The following PKD1L1 variants were observed in gnomAD, a reference collection of about 807,000 sequenced individuals.
The protein encoded by PKD1L1 is polycystin-1-like protein 1.
PKD1L1 carries 236 observed loss-of-function variants against 323.4 expected under a neutral mutation model. The observed-to-expected ratio is 0.73, with a 90% CI of 0.66 to 0.81. The LOEUF (loss-of-function observed/expected upper bound fraction) is 0.81. Ranked by LOEUF, PKD1L1 falls within the 40% of genes least tolerant of loss-of-function variation. PKD1L1 has a pLI of 0.00. For synonymous variants in PKD1L1, 1,344 were observed against 1,335.0 expected (o/e 1.01, Z -0.15); for missense variants, 3,320 against 3,508.0 (o/e 0.95, Z 1.35).
chr7:47,934,861 A>C (rs1389675851), intron 4 of PKD1L1, among the ~76,000 whole-genome samples: 3 of 152,164 alleles, frequency 2.0e-5, no homozygotes, highest in African/African-American at 7.2e-5. Context: ...CTAGGAAGGA[A>C]GACCCTTTCC....
intron 15 of PKD1L1, among the ~76,000 whole-genome samples, chr7:47,893,149 G>C (rs145893855): frequency 4.8e-4 from 69 of 144,714 alleles, no homozygotes; most frequent in African/African-American, 1.5e-3. Context: ...AGAATTGCTT[G>C]AATCCGGGAG....
At chr7:47,850,858 G>C (rs1387275313) in intron 31 of PKD1L1, among the ~76,000 whole-genome samples, 1 of 152,126 alleles carries the variant, frequency 6.6e-6, no homozygotes, top group Non-Finnish European at 1.5e-5. Flanking sequence ...TGGTAGGTTT[G>C]TGATTGTTAG....
At chr7:47,796,377 T>C (rs1488815506) in intron 54 of PKD1L1, among the ~76,000 whole-genome samples, 1 of 152,220 alleles carries the variant, frequency 6.6e-6, no homozygotes, top group East Asian at 1.9e-4. Context: ...TTCATTGTAT[T>C]ATAAAGGTTG....
At chr7:47,783,612 A>T (rs956440052) in intron 56 of PKD1L1, among the ~76,000 whole-genome samples, 3 of 152,188 alleles carry the variant, frequency 2.0e-5, no homozygotes, top group Non-Finnish European at 4.4e-5. Context: ...TGTTATAAAA[A>T]GAGAAAATTT....
intron 52 of PKD1L1, 116 bp downstream of exon 52, chr7:47,808,131 C>T (rs1784818877): frequency 7.6e-7 from 1 of 1,319,086 alleles, no homozygotes; most frequent in Non-Finnish European, 1.0e-6. Context: ...AGCATCATCT[C>T]TCGATATCAA....
intron 56 of PKD1L1, among the ~76,000 whole-genome samples, chr7:47,784,245 T>C (rs943338775): frequency 6.6e-6 from 1 of 152,194 alleles, no homozygotes; most frequent in Non-Finnish European, 1.5e-5. Context: ...CTTCAACATT[T>C]CTCTTTAGGT....
At chr7:47,922,052 G>C (rs948145600) in intron 7 of PKD1L1, among the ~76,000 whole-genome samples, 14 of 152,296 alleles carry the variant, frequency 9.2e-5, no homozygotes, top group Admixed American at 6.5e-4. Context: ...GCCTGGGATT[G>C]CAGGCACGTG....
At chr7:47,953,057 G>T (rs757746645), upstream of PKD1L1, among the ~76,000 whole-genome samples, 19 of 152,124 alleles carry the variant, frequency 1.2e-4, no homozygotes, top group Non-Finnish European at 2.6e-4. Flanking sequence ...AAAGTCACAT[G>T]CAGCAATTCC....
chr7:47,835,028 C>T lies in PKD1L1; in HGVS notation c.6066G>A (p.Gly2022=), dbSNP rs777639245. 1 of 1,613,878 alleles carries T rather than the reference C, an allele frequency of 6.2e-7. No homozygotes were observed. Among genetic ancestry groups the T allele is most frequent in the Admixed American group, 1.7e-5 (1 of 60,016 alleles). Residue 2022 remains glycine (G), a synonymous_variant, in exon 39 of 57, where the codon GGG becomes GGA. Transcript: ENST00000289672. ...GGCTGTGTGGCTCCACTCGGGCAGA[C>T]CCCGGGGCTTCCTGCAGAAGGAAAG... ...LLFRLSKEAP[G]SARVEPHSPL... is the part of the protein sequence containing the mutation.
chr7:47,859,626 CA>C (rs1353039193), intron 26 of PKD1L1, among the ~76,000 whole-genome samples: 22 of 101,148 alleles, frequency 2.2e-4, no homozygotes, highest in African/African-American at 6.4e-4. Flanking sequence ...TAAAGACATA[CA>C]TTTTTTTTTT....
chr7:47,804,504 A>G (rs1163785234), intron 52 of PKD1L1, among the ~76,000 whole-genome samples: 3 of 138,464 alleles, frequency 2.2e-5, no homozygotes, highest in East Asian at 2.1e-4. Context: ...GAGAGTCTCA[A>G]TCTGTTACCC....
At chr7:47,871,436 C>CT (rs1022382734) in intron 24 of PKD1L1, among the ~76,000 whole-genome samples, 1 of 152,170 alleles carries the variant, frequency 6.6e-6, no homozygotes, top group African/African-American at 2.4e-5. Context: ...GGGAAGAAGG[C>CT]TGTGACCTCA....
At chr7:47,878,745 G>T (rs1045144452) in intron 21 of PKD1L1, among the ~76,000 whole-genome samples, 1 of 152,284 alleles carries the variant, frequency 6.6e-6, no homozygotes, top group East Asian at 1.9e-4. Context: ...ATAACCACAG[G>T]GAAAGACTTA....
At chr7:47,819,980 G>A (rs1785106694) in intron 46 of PKD1L1, 1 of 210,288 alleles carries the variant, frequency 4.8e-6, no homozygotes, top group Middle Eastern at 1.8e-3. Flanking sequence ...ATATTCACCA[G>A]AGTAAATAAG....
At chr7:47,926,072 T>C (rs546824483) in intron 7 of PKD1L1, among the ~76,000 whole-genome samples, 54 of 152,232 alleles carry the variant, frequency 3.5e-4, no homozygotes, top group Non-Finnish European at 4.0e-4. Context: ...GAAAAATTTA[T>C]GTTCTGTAGA....
chr7:47,884,723 G>C (rs1273582294), intron 18 of PKD1L1, 66 bp from the exon 19 acceptor site: 2 of 1,317,568 alleles, frequency 1.5e-6, no homozygotes, highest in Non-Finnish European at 2.2e-6. Context: ...ATTAACAGCA[G>C]CTCCCCTGAT....
the PKD1L1 span, among the ~76,000 whole-genome samples, chr7:47,958,795 C>CTCTCCCCACGG: frequency 2.0e-5 from 3 of 150,064 alleles, no homozygotes; most frequent in Admixed American, 2.0e-4. Context: ...CTCCCTCTCC[C>CTCTCCCCACGG]TCTCCCTCTC....
Position 47,858,843 on chromosome 7 carries a change from C to T in PKD1L1, c.4192G>A (p.Ala1398Thr), listed in dbSNP as rs1411860747. The T allele has an allele frequency of 1.2e-6, 2 of 1,614,024 alleles. No homozygotes were observed. Among genetic ancestry groups the T allele is most frequent in the South Asian group, 2.2e-5 (2 of 91,054 alleles). The stretch of plus-strand genomic sequence containing the variant: ...GAGAACTGGCCTTGAGCAAGGAGTG[C>T]CCGGGTGTACTTGAGGATGAGAACC... The part of the protein sequence containing the change: ...SAVLILKYTR[A>T]LLAQGQFSGP... The change falls in exon 27 of 57, where the codon GCA (alanine) becomes ACA (threonine). Residue 1398 changes from alanine (A) to threonine (T), a missense_variant. By Grantham distance (58) the Ala-to-Thr change is moderately conservative. Transcript: ENST00000289672.
chr7:47,901,342 A>G (rs865830961), intron 13 of PKD1L1, among the ~76,000 whole-genome samples: 9 of 147,320 alleles, frequency 6.1e-5, no homozygotes, highest in Non-Finnish European at 5.9e-5. Context: ...AAAAAAAAAA[A>G]AAAAAAGAAA....
Sources: allele counts gnomAD v4.1 joint callset (sites outside exome capture counted in the v4.1 genomes callset), GRCh38; gene constraint gnomAD v4.1.1; transcripts MANE v1.5; gene names NCBI Gene and HGNC (gene_info 2026-07-23, HGNC 2026-07-21).